RAPGEF1: variants seen among roughly 807,000 people sequenced by gnomAD.
The protein encoded by RAPGEF1 is CRK SH3-binding GNRP.
RAPGEF1 carries 33 observed loss-of-function variants against 143.3 expected under a neutral mutation model. The observed-to-expected ratio is 0.23, with a 90% confidence interval of 0.17 to 0.31. The LOEUF is 0.31. Ranked by LOEUF, RAPGEF1 falls within the 10% of genes least tolerant of loss-of-function variation. The pLI is 1.00. For synonymous variants in RAPGEF1, 629 were observed against 676.5 expected, an observed-to-expected ratio of 0.93 and a Z score of 1.09; for missense variants, 1,199 against 1,645.4, an observed-to-expected ratio of 0.73 and a Z score of 4.69.
At position 131,582,717 on chromosome 9, in the gene RAPGEF1, C is replaced by G. The variant is rs752795335; in HGVS notation, c.3415-15G>C. The G allele has an allele frequency of 6.4e-7, 1 of 1,558,100 alleles. No individual in the cohort carries two copies. The highest frequency in any genetic ancestry group is 2.5e-5 in the East Asian group (1 of 39,458). On this transcript the variant is annotated splice_polypyrimidine_tract_variant and intron_variant, in intron 24 of 26. Coordinates refer to ENST00000683357, the MANE Select transcript of RAPGEF1 (RefSeq NM_001377935.1). ...TCGGCCAGGCCCTGGCAGGACAGGACAGGACAGGACCGGACAGGGGTGAGC... is the reference window on the plus strand; with the variant it reads ...TCGGCCAGGCCCTGGCAGGACAGGAGAGGACAGGACCGGACAGGGGTGAGC...
chr9:131,679,937 A>C (rs1832768398), intron 1 of RAPGEF1, among the ~76,000 whole-genome samples: 1 of 152,092 alleles, frequency 6.6e-6, no homozygotes, highest in Non-Finnish European at 1.5e-5. Flanking sequence ...GCCACATCCA[A>C]CTCCAGGTGA....
chr9:131,674,073 C>A (rs1017714082), intron 1 of RAPGEF1, among the ~76,000 whole-genome samples: 9 of 152,180 alleles, frequency 5.9e-5, no homozygotes, highest in African/African-American at 1.7e-4. Flanking sequence ...TTCGAAGCCA[C>A]CTTTGAAAGC....
intron 15 of RAPGEF1, among the ~76,000 whole-genome samples, chr9:131,601,312 G>A (rs1400060884): frequency 6.6e-6 from 1 of 151,940 alleles, no homozygotes; most frequent in African/African-American, 2.4e-5. Flanking sequence ...GCACACATAT[G>A]TCTAGAAATG....
intron 1 of RAPGEF1, among the ~76,000 whole-genome samples, chr9:131,678,711 A>G (rs1221191198): frequency 1.3e-5 from 2 of 152,342 alleles, no homozygotes; most frequent in East Asian, 3.9e-4. Context: ...CCGTGCCCAC[A>G]GGGACTGTCA....
chr9:131,589,090 A>C, intron 19 of RAPGEF1, 104 bp from the exon 20 acceptor site: 1 of 1,132,862 alleles, frequency 8.8e-7, no homozygotes, highest in South Asian at 1.6e-5. Flanking sequence ...TGACCGGCAC[A>C]GAGCTGGCTG....
chr9:131,722,553 G>A (rs1836342799), intron 1 of RAPGEF1, among the ~76,000 whole-genome samples: 1 of 152,212 alleles, frequency 6.6e-6, no homozygotes, highest in Admixed American at 6.5e-5. Context: ...CCAGGGGCTA[G>A]AGCTCAACTA....
intron 12 of RAPGEF1, 125 bp from the exon 13 acceptor site, chr9:131,605,313 A>T (rs781427952): frequency 5.1e-5 from 46 of 906,406 alleles, no homozygotes; most frequent in Non-Finnish European, 6.5e-5. Flanking sequence ...ACGGGCCACC[A>T]ATCACGCCAA....
In RAPGEF1 at chr9:131,626,339, T is replaced by A. The variant is rs201821916; in HGVS notation, c.1285A>T (p.Ser429Cys). The change falls in exon 10 of 27, where the codon AGC (serine) becomes TGC (cysteine). Residue 429 changes from serine (S) to cysteine (C), a missense_variant. By Grantham distance (112) the Ser-to-Cys change is moderately radical. Around this residue, in one of 6 missense-constraint regions of RAPGEF1, gnomAD observed 613 missense variants for 710.9 expected, o/e 0.86. Transcript: ENST00000683357. ...QIPQQTAWNL[S>C]PLPESLGESG... Reference sequence around the variant, plus strand: ...TCCCCCAAAGACTCTGGCAACGGGCTAAGGTTCCAGGCCGTCTGCTGAGGT... The same window carrying A: ...TCCCCCAAAGACTCTGGCAACGGGCAAAGGTTCCAGGCCGTCTGCTGAGGT... The A allele has an allele frequency of 5.1e-5, 83 of 1,613,832 alleles. No individual in the cohort carries two copies. Among genetic ancestry groups the A allele is most frequent in the Non-Finnish European group, 6.6e-5 (78 of 1,179,890 alleles).
At chr9:131,674,565 C>T (rs973121740) in intron 1 of RAPGEF1, among the ~76,000 whole-genome samples, 7 of 152,182 alleles carry the variant, frequency 4.6e-5, no homozygotes, top group Admixed American at 3.9e-4. Context: ...AGGAGAAAAC[C>T]GTTGCCCTGC....
At chr9:131,582,581 G>C (rs937907291) in intron 25 of RAPGEF1, 24 bp downstream of exon 25, 8 of 1,471,052 alleles carry the variant, frequency 5.4e-6, no homozygotes, top group Non-Finnish European at 7.2e-6. Flanking sequence ...GCGGGGCTGG[G>C]GGCCTGGAGG....
chr9:131,699,741 T>C (rs1011427802), intron 1 of RAPGEF1, among the ~76,000 whole-genome samples: 1 of 152,124 alleles, frequency 6.6e-6, no homozygotes, highest in African/African-American at 2.4e-5. Context: ...TCCTGGAAGG[T>C]CTTTCGAGGT....
chr9:131,621,223 C>G lies in RAPGEF1; in HGVS notation c.1905+573G>C, dbSNP rs187306657. Among the ~76,000 whole-genome samples, 1 of 152,228 alleles carries G rather than the reference C, an allele frequency of 6.6e-6. No homozygotes were observed. Among genetic ancestry groups the G allele is most frequent in the African/African-American group, 2.4e-5 (1 of 41,464 alleles). ...CGTGCTTCCTTACATGCACAGGAGT[C>G]CTTAGCACACGAGTGTTTTCTAGAA... On this transcript the variant is annotated intron_variant, in intron 11 of 26. Transcript: ENST00000683357. This position sits in a 1 kb window ranked among gnomAD's most constrained non-coding sequence, Gnocchi z 4.5.
chr9:131,726,936 C>A (rs1030323691), intron 1 of RAPGEF1, among the ~76,000 whole-genome samples: 1 of 151,950 alleles, frequency 6.6e-6, no homozygotes, highest in Admixed American at 6.6e-5. Context: ...CTCAGGAGGT[C>A]GAGGCTGCTG....
intron 12 of RAPGEF1, among the ~76,000 whole-genome samples, chr9:131,607,588 G>A (rs1234553343): frequency 2.0e-5 from 3 of 152,098 alleles, no homozygotes; most frequent in Non-Finnish European, 1.5e-5. Flanking sequence ...TGCTGGGGGG[G>A]CTGCCTTCAG....
intron 4 of RAPGEF1, 73 bp from the exon 5 acceptor site, chr9:131,638,864 C>G: frequency 1.4e-6 from 2 of 1,453,866 alleles, no homozygotes; most frequent in Middle Eastern, 3.5e-4. Context: ...GCCAGCTTCT[C>G]GGTGACAAGG....
chr9:131,592,934 G>A lies in RAPGEF1; in HGVS notation c.2690-751C>T, dbSNP rs1407591437. On this transcript the variant is annotated intron_variant, in intron 17 of 26. Coordinates refer to ENST00000683357, the MANE Select transcript of RAPGEF1 (RefSeq NM_001377935.1). Reference sequence around the variant, plus strand: ...GCCTGGCTGATTTTAATACAGACAAGGTTTCACCATGTTGGCCAGGCTAGT... The same window carrying A: ...GCCTGGCTGATTTTAATACAGACAAAGTTTCACCATGTTGGCCAGGCTAGT... 1.2e-4 allele frequency among the ~76,000 whole-genome samples: 18 copies of A among 152,250 alleles called. No individual in the cohort carries two copies. The East Asian group carries it at 3.3e-3, about 28-fold the overall frequency.
At chr9:131,709,397 C>T (rs981871785) in intron 1 of RAPGEF1, among the ~76,000 whole-genome samples, 3 of 152,170 alleles carry the variant, frequency 2.0e-5, no homozygotes, top group Admixed American at 6.5e-5. Flanking sequence ...TGAAACATCT[C>T]GAGCTGAACT....
intron 9 of RAPGEF1, among the ~76,000 whole-genome samples, chr9:131,626,869 G>A (rs1205045932): frequency 6.6e-6 from 1 of 152,198 alleles, no homozygotes; most frequent in Non-Finnish European, 1.5e-5. Context: ...GTGAGGCCGA[G>A]GCGGGCCGAT....
chr9:131,651,016 G>A, intron 1 of RAPGEF1, 67 bp from the exon 2 acceptor site: 1 of 1,543,204 alleles, frequency 6.5e-7, no homozygotes, highest in Non-Finnish European at 8.8e-7. Context: ...TTGACCTTTT[G>A]TGGAAATGAG....
Sources: gnomAD v4.1 joint callset for allele counts (sites outside exome capture counted in the v4.1 genomes callset) on GRCh38, gnomAD v4.1.1 for gene constraint, gnomAD v4.1.1 regional missense constraint, Gnocchi (gnomAD v3.1) non-coding constraint, MANE v1.5 for transcripts, NCBI Gene and HGNC (gene_info 2026-07-23, HGNC 2026-07-21) for gene names.